Variants in TNIK observed in about 807,000 individuals in gnomAD.
TNIK encodes the protein TRAF2 and NCK interacting kinase.
A neutral mutation model predicts 191.3 loss-of-function variants in TNIK; 49 were observed. That is an observed-to-expected ratio of 0.26 (90% CI 0.20 to 0.32). The LOEUF is 0.32. TNIK is among the 10% of genes least tolerant of loss of function. The pLI, the probability that TNIK is intolerant of heterozygous loss-of-function variation, is 1.00. For missense variants in TNIK, 1,155 were observed against 1,702.3 expected (o/e 0.68, Z 5.66); for synonymous variants, 594 against 600.9 (o/e 0.99, Z 0.17).
chr3:171,114,389 T>C (rs1726366040), intron 18 of TNIK, among the ~76,000 whole-genome samples: 1 of 152,230 alleles, frequency 6.6e-6, no homozygotes, highest in African/African-American at 2.4e-5. Context: ...TAGATGTTTC[T>C]CCCATAAATT....
In TNIK at chr3:171,294,652, C is replaced by T. The variant is rs137855267; in HGVS notation, c.124-66431G>A. On this transcript the variant is annotated intron_variant, in intron 2 of 32. Coordinates refer to ENST00000436636, the MANE Select transcript of TNIK (RefSeq NM_015028.4). The stretch of plus-strand genomic sequence containing the variant: ...AGGAGAATCACTTGAACCCGGGAAA[C>T]GGAGGTTGCAGTGAGCCAGGATTGC... Among the ~76,000 whole-genome samples the T allele has an allele frequency of 1.0e-3, 159 of 151,614 alleles. 2 individuals carry two copies. The highest frequency in any genetic ancestry group is 3.7e-3 in the African/African-American group (151 of 41,322).
intron 16 of TNIK, among the ~76,000 whole-genome samples, chr3:171,128,031 C>G (rs1728724309): frequency 2.0e-5 from 3 of 152,182 alleles, no homozygotes; most frequent in Admixed American, 6.5e-5. Context: ...AAACCCCCTC[C>G]TTTCCTAAAA....
chr3:171,179,462 TTTTC>T (rs1736372305), intron 7 of TNIK, among the ~76,000 whole-genome samples: 1 of 152,054 alleles, frequency 6.6e-6, no homozygotes, highest in Admixed American at 6.5e-5. Flanking sequence ...TGTTTTTTTT[TTTTC>T]TTTGAGACGG....
At chr3:171,351,793 TGTGGG>T (rs1055082005) in intron 2 of TNIK, among the ~76,000 whole-genome samples, 8 of 152,214 alleles carry the variant, frequency 5.3e-5, no homozygotes, top group African/African-American at 1.9e-4. Flanking sequence ...GATTCATCTC[TGTGGG>T]ATATGACAAA....
At chr3:171,241,724 A>C (rs2109041097) in intron 2 of TNIK, among the ~76,000 whole-genome samples, 1 of 152,324 alleles carries the variant, frequency 6.6e-6, no homozygotes, top group Admixed American at 6.5e-5. Flanking sequence ...GCAGTTAAGA[A>C]TGAGGCTGTG....
intron 15 of TNIK, among the ~76,000 whole-genome samples, chr3:171,129,189 G>T (rs1728907953): frequency 6.6e-6 from 1 of 152,146 alleles, no homozygotes; most frequent in African/African-American, 2.4e-5. Context: ...TTACTGATTG[G>T]TCGCAATGCC....
chr3:171,137,263 A>C (rs1730159343), intron 15 of TNIK, among the ~76,000 whole-genome samples: 2 of 151,978 alleles, frequency 1.3e-5, no homozygotes, highest in Admixed American at 1.3e-4. Context: ...CTTATGTAAG[A>C]AATCTGGTTC....
chr3:171,144,003 A>G (rs6803682), intron 12 of TNIK, among the ~76,000 whole-genome samples: 32,626 of 152,130 alleles, frequency 0.21, 3,932 homozygotes, highest in Non-Finnish European at 0.28. Context: ...CTGGAAAAAA[A>G]GGGAAAGGGG....
At chr3:171,307,404 A>T (rs905783094) in intron 2 of TNIK, among the ~76,000 whole-genome samples, 19 of 151,996 alleles carry the variant, frequency 1.3e-4, no homozygotes, top group Admixed American at 1.2e-3. Context: ...ATGTTCACTT[A>T]CTCTAAGGGG....
chr3:171,066,266 A>T lies in TNIK; in HGVS notation c.3920T>A (p.Val1307Glu). The T allele has an allele frequency of 6.2e-7, 1 of 1,613,960 alleles. No homozygotes were observed. The highest frequency in any genetic ancestry group is 1.3e-5 in the African/African-American group (1 of 75,046). The stretch of plus-strand genomic sequence containing the variant: ...TACTCCATCCAAATGTCCTGTTTCC[A>T]CTGACCGGATCTCAATAGCTTTCTC... The part of the protein sequence containing the change: ...WGEKAIEIRS[V>E]ETGHLDGVFM... The change falls in exon 32 of 33, where the codon GTG becomes GAG. Residue 1307 changes from valine (V) to glutamate (E), a missense_variant. Val to Glu is a moderately radical substitution (Grantham distance 121). Transcript: ENST00000436636.
chr3:171,190,476 T>C (rs988398276), intron 6 of TNIK, among the ~76,000 whole-genome samples: 6 of 152,208 alleles, frequency 3.9e-5, no homozygotes. Flanking sequence ...TTTCTATATA[T>C]TGATTAAGCA....
chr3:171,288,807 CAA>C (rs10666822), intron 2 of TNIK, among the ~76,000 whole-genome samples: 5 of 109,040 alleles, frequency 4.6e-5, no homozygotes, highest in Admixed American at 9.9e-5. Context: ...GACTCCATCT[CAA>C]AAAAAAAAAA....
At chr3:171,341,185 AT>A (rs1450247619) in intron 2 of TNIK, among the ~76,000 whole-genome samples, 1 of 152,136 alleles carries the variant, frequency 6.6e-6, no homozygotes, top group Admixed American at 6.6e-5. Flanking sequence ...AGAATCACAT[AT>A]TTTGGGCCGG....
intron 22 of TNIK, among the ~76,000 whole-genome samples, chr3:171,094,463 G>A (rs1375084538): frequency 6.6e-6 from 1 of 152,090 alleles, no homozygotes; most frequent in African/African-American, 2.4e-5. Flanking sequence ...AATGTGTGTT[G>A]ATGTCTGGAC....
chr3:171,127,382 A>T (rs956958711), intron 16 of TNIK, among the ~76,000 whole-genome samples: 7 of 151,904 alleles, frequency 4.6e-5, no homozygotes, highest in African/African-American at 1.7e-4. Context: ...AAGCCCATTT[A>T]AAAAAATATC....
At chr3:171,246,094 G>A (rs1448858512) in intron 2 of TNIK, among the ~76,000 whole-genome samples, 1 of 152,160 alleles carries the variant, frequency 6.6e-6, no homozygotes, top group African/African-American at 2.4e-5. Context: ...AGACGAGTGT[G>A]CTGCAGGAGA....
chr3:171,164,483 C>A (rs1005435007), intron 10 of TNIK, among the ~76,000 whole-genome samples: 13 of 152,320 alleles, frequency 8.5e-5, no homozygotes, highest in Admixed American at 5.9e-4. Flanking sequence ...CTCGTTTAAT[C>A]TTTGCAACTA....
At position 171,358,521 on chromosome 3, in the gene TNIK, G is replaced by T. The variant is rs1461222971; in HGVS notation, c.123+11099C>A. Reference sequence around the variant, plus strand: ...ACACCTGGCCCCACCCTTGACCGGGGATTATTACAATTCAAGGTGAGATTT... The same window carrying T: ...ACACCTGGCCCCACCCTTGACCGGGTATTATTACAATTCAAGGTGAGATTT... On this transcript the variant is annotated intron_variant, in intron 2 of 32. Transcript: ENST00000436636. 3.9e-5 allele frequency among the ~76,000 whole-genome samples: 6 copies of T among 152,300 alleles called. No individual in the cohort carries two copies. The South Asian group carries it at 1.0e-3, about 26-fold the overall frequency.
rs568904289 is a variant in TNIK at position 171,109,882 on chromosome 3, T to C, written c.2284+832A>G. 2.0e-5 allele frequency among the ~76,000 whole-genome samples: 3 copies of C among 152,278 alleles called. No homozygotes were observed. In the South Asian group the frequency reaches 6.2e-4, roughly 32 times the overall value. Reference sequence around the variant, plus strand: ...ATATTTAGAGAGGCTAATTTTTACTTAATAGGAATAACCAGAGGAGTCAAC... The same window carrying C: ...ATATTTAGAGAGGCTAATTTTTACTCAATAGGAATAACCAGAGGAGTCAAC... On this transcript the variant is annotated intron_variant, in intron 19 of 32. Coordinates refer to ENST00000436636, the MANE Select transcript of TNIK (RefSeq NM_015028.4).
Sources: gnomAD v4.1 joint callset for allele counts (sites outside exome capture counted in the v4.1 genomes callset) on GRCh38, gnomAD v4.1.1 for gene constraint, MANE v1.5 for transcripts, NCBI Gene and HGNC (gene_info 2026-07-23, HGNC 2026-07-21) for gene names.